Variants in SFTPB observed in about 807,000 individuals in gnomAD.
SFTPB encodes pulmonary surfactant-associated protein B.
Under a neutral mutation model 51.0 loss-of-function variants are expected in SFTPB, and 32 were observed. The observed-to-expected ratio is 0.63, with a 90% CI of 0.47 to 0.84. The LOEUF (loss-of-function observed/expected upper bound fraction) is 0.84, where lower values mean the gene tolerates loss of function less well. SFTPB is among the 40% of genes least tolerant of loss of function. SFTPB has a pLI of 0.00. For synonymous variants in SFTPB, 211 were observed against 208.5 expected (o/e 1.01, Z -0.10); for missense variants, 431 against 491.2 (o/e 0.88, Z 1.16).
Position 85,661,488 on chromosome 2 carries a change from G to T in SFTPB, c.1131C>A (p.His377Gln), listed in dbSNP as rs1194921206. The T allele has an allele frequency of 6.2e-6, 10 of 1,612,110 alleles. No homozygotes were observed. Among genetic ancestry groups the T allele is most frequent in the Non-Finnish European group, 8.5e-6 (10 of 1,179,224 alleles). The stretch of plus-strand genomic sequence containing the variant: ...TGAGTTCTCATCAAAGGTCGGGGCT[G>T]TGGATACACTGGAGAGGGCTGGACA... ...GTMSSPLQCI[H>Q]SPDL The change falls in exon 10 of 11, where the codon CAC becomes CAA. Residue 377 changes from histidine (H) to glutamine (Q), a missense_variant. Transcript: ENST00000519937.
intron 6 of SFTPB, 126 bp downstream of exon 6, chr2:85,665,163 T>C: frequency 1.2e-6 from 1 of 809,554 alleles, no homozygotes; most frequent in South Asian, 1.3e-5. Flanking sequence ...AGCGGCTCTC[T>C]CCCCTCCTAA....
intron 1 of SFTPB, 83 bp from the exon 2 acceptor site, chr2:85,667,889 G>T (rs905303407): frequency 3.8e-6 from 6 of 1,590,102 alleles, no homozygotes; most frequent in Non-Finnish European, 5.2e-6. Context: ...TCTAGACCCA[G>T]TTTTGCTGGG....
chr2:85,666,423 T>TGTGTGTG, intron 4 of SFTPB, 194 bp downstream of exon 4: 1 of 418,730 alleles, frequency 2.4e-6, no homozygotes, highest in Non-Finnish European at 4.2e-6. Context: ...AGCTGGGGTG[T>TGTGTGTG]TGTGTGTGTG....
Position 85,663,487 on chromosome 2 carries a change from C to T in SFTPB, c.861G>A (p.Ser287=), listed in dbSNP as rs747055391. ...CSMDDSAGPR[S]PTGEWLPRDS... is the part of the protein sequence containing the mutation. Reference sequence around the variant, plus strand: ...CTCGCGGCAGCCATTCTCCTGTCGGCGACCCTGGAGATGTGAGCATTAGGG... The same window carrying T: ...CTCGCGGCAGCCATTCTCCTGTCGGTGACCCTGGAGATGTGAGCATTAGGG... Residue 287 remains serine, a synonymous_variant, in exon 8 of 11, where the codon TCG becomes TCA. Transcript: ENST00000519937. The T allele has an allele frequency of 1.5e-5, 24 of 1,613,588 alleles. No individual in the cohort carries two copies. Among genetic ancestry groups the T allele is most frequent in the African/African-American group, 2.7e-5 (2 of 74,896 alleles).
In SFTPB at chr2:85,663,758, G is replaced by A. The variant is rs755360810; in HGVS notation, c.762C>T (p.Ser254=). Residue 254 remains serine, a synonymous_variant, in exon 7 of 11, where the codon TCC becomes TCT. Transcript: ENST00000519937. ...CCAGCAGCGTGTCGAGCAGGATGAC[G>A]GAGTAGCGCTCAGCCAGGCACTGGC... The part of the protein sequence containing the change: ...GICQCLAERY[S]VILLDTLLGR... The A allele has an allele frequency of 1.5e-5, 24 of 1,608,750 alleles. No homozygotes were observed. Among genetic ancestry groups the A allele is most frequent in the South Asian group, 1.2e-4 (11 of 90,266 alleles).
Position 85,666,746 on chromosome 2 carries a change from G to C in SFTPB, c.268-4C>G. The C allele has an allele frequency of 6.2e-7, 1 of 1,613,734 alleles. No individual in the cohort carries two copies. The highest frequency in any genetic ancestry group is 8.5e-7 in the Non-Finnish European group (1 of 1,179,844). On this transcript the variant is annotated splice_polypyrimidine_tract_variant and splice_region_variant and intron_variant, in intron 3 of 10. Transcript: ENST00000519937. ...CCAGGAACTTCCTCATCGTGTCCTG[G>C]GAGGCCAGAGGGGGCCGTCAGCTGG...
rs764711051 is a variant in SFTPB at position 85,665,590 on chromosome 2, T to TG, written c.582+15dup. On this transcript the variant is annotated intron_variant, in intron 5 of 10. Coordinates refer to ENST00000519937, the MANE Select transcript of SFTPB (RefSeq NM_000542.5). Reference sequence around the variant, plus strand: ...CTCTGGATCTCCACTTTACTGGCTGTGGGGGCCTCCCTCACCTGTGTGTGA... The same window carrying TG: ...CTCTGGATCTCCACTTTACTGGCTGTGGGGGGCCTCCCTCACCTGTGTGTGA... The TG allele has an allele frequency of 6.0e-5, 96 of 1,611,642 alleles. No individual in the cohort carries two copies. In the African/African-American group the frequency reaches 1.2e-3, roughly 20 times the overall value.
At position 85,662,107 on chromosome 2, in the gene SFTPB, G is replaced by A; in HGVS notation, c.1005C>T (p.Cys335=). ...CVGSWLDREK[C]KQFVEQHTPQ... ...GCGTGTGCTGCTCCACAAATTGCTT[G>A]CACTGAGGAAGGAGACACACAGCTG... The change falls in exon 9 of 11, where the codon TGC becomes TGT. Residue 335 remains cysteine, a splice_region_variant and synonymous_variant. Transcript: ENST00000519937. 8 of 1,600,276 alleles carry A rather than the reference G, an allele frequency of 5.0e-6. No individual in the cohort carries two copies. Among genetic ancestry groups the A allele is most frequent in the Non-Finnish European group, 6.8e-6 (8 of 1,174,930 alleles).
chr2:85,662,157 C>A, intron 8 of SFTPB, 48 bp from the exon 9 acceptor site: 1 of 1,568,832 alleles, frequency 6.4e-7, no homozygotes, highest in Admixed American at 1.9e-5. Context: ...GCAGGACTCT[C>A]CTGTCGTGTG....
chr2:85,667,560 A>G (rs1677713590), intron 2 of SFTPB, 119 bp downstream of exon 2: 5 of 1,270,746 alleles, frequency 3.9e-6, no homozygotes, highest in South Asian at 1.2e-5. Flanking sequence ...ATTTCATCTC[A>G]TCCCATTTCA....
In SFTPB at chr2:85,668,197, C is replaced by T; in HGVS notation, c.-14G>A. 6.4e-7 allele frequency: 1 copy of T among 1,551,042 alleles called. No individual in the cohort carries two copies. The highest frequency in any genetic ancestry group is 8.7e-7 in the Non-Finnish European group (1 of 1,146,712). On this transcript the variant is annotated 5_prime_UTR_variant, in exon 1 of 11. Transcript: ENST00000519937. The stretch of plus-strand genomic sequence containing the variant: ...TGACTCAGCCATGGCACCTCTGCAG[C>T]CTGGGTACCCTGCTTGGTGCATGGC...
intron 8 of SFTPB, chr2:85,662,336 G>A: frequency 7.3e-7 from 1 of 1,373,722 alleles, no homozygotes. Context: ...GAGGACTCAG[G>A]CAGAGGGGTG....
chr2:85,667,621 C>T, intron 2 of SFTPB, 58 bp downstream of exon 2: 1 of 1,613,032 alleles, frequency 6.2e-7, no homozygotes, highest in Non-Finnish European at 8.5e-7. Flanking sequence ...CATCCAGAGC[C>T]CACCCAGCAC....
chr2:85,667,529 C>T (rs1278611428), intron 2 of SFTPB, 150 bp downstream of exon 2: 5 of 1,030,748 alleles, frequency 4.9e-6, no homozygotes, highest in Non-Finnish European at 7.6e-6. Context: ...GCATCCATCC[C>T]ATTCCATTTT....
chr2:85,668,006 C>A, intron 1 of SFTPB, 111 bp downstream of exon 1: 1 of 1,202,026 alleles, frequency 8.3e-7, no homozygotes, highest in Admixed American at 2.0e-5. Context: ...TCTCTGAACC[C>A]CAGCTGCCTT....
At position 85,668,161 on chromosome 2, in the gene SFTPB, T is replaced by C; in HGVS notation, c.23A>G (p.Gln8Arg). ...CGTGGGCAGCAGCAGCAGCAGCCAC[T>C]GCAGCAGGTGTGACTCAGCCATGGC... MAESHLL[Q>R]WLLLLLPTLC... is the part of the protein sequence containing the mutation. Residue 8 changes from glutamine to arginine, a missense_variant, in exon 1 of 11, where the codon CAG becomes CGG. Transcript: ENST00000519937. 6.4e-7 allele frequency: 1 copy of C among 1,551,550 alleles called. No individual in the cohort carries two copies. Among genetic ancestry groups the C allele is most frequent in the Non-Finnish European group, 8.7e-7 (1 of 1,146,938 alleles).
chr2:85,663,007 G>A (rs538579359), intron 8 of SFTPB, among the ~76,000 whole-genome samples: 2 of 152,180 alleles, frequency 1.3e-5, no homozygotes, highest in African/African-American at 2.4e-5. Flanking sequence ...GGACCCTGGA[G>A]AGAAGGCTAG....
In SFTPB at chr2:85,666,068, G is replaced by T. The variant is rs117457617; in HGVS notation, c.394-274C>A. On this transcript the variant is annotated intron_variant, in intron 4 of 10. Transcript: ENST00000519937. ...TGTGTGTGAGAGTGAGGGTGTAAGG[G>T]TGTGTGAGCGTACAGGCCCACCGTG... Among the ~76,000 whole-genome samples, 56 of 152,268 alleles carry T rather than the reference G, an allele frequency of 3.7e-4. No homozygotes were observed. The East Asian group carries it at 0.01, about 28-fold the overall frequency.
intron 8 of SFTPB, among the ~76,000 whole-genome samples, chr2:85,662,684 T>G (rs1235378764): frequency 1.3e-5 from 2 of 151,548 alleles, no homozygotes; most frequent in South Asian, 4.2e-4. Flanking sequence ...CTACTAAAAA[T>G]ACAAAAATTA....
Sources: allele counts gnomAD v4.1 joint callset (sites outside exome capture counted in the v4.1 genomes callset), GRCh38; gene constraint gnomAD v4.1.1; transcripts MANE v1.5; gene names NCBI Gene and HGNC (gene_info 2026-07-23, HGNC 2026-07-21).